LUZP2: variants seen among roughly 807,000 people sequenced by gnomAD.
The protein encoded by LUZP2 is leucine zipper protein 2.
Under a neutral mutation model 51.6 loss-of-function variants are expected in LUZP2, and 52 were observed. The ratio of observed to expected loss-of-function variants is 1.01; its 90% CI spans 0.81 to 1.27. The LOEUF (loss-of-function observed/expected upper bound fraction) is 1.27. LUZP2 is among the 50% of genes most tolerant of loss of function. The probability of loss-of-function intolerance (pLI) is 0.00; values close to 1 mark genes in which losing one functional copy is unlikely to be tolerated. For synonymous variants in LUZP2, 154 were observed against 137.3 expected (o/e 1.12, Z -0.85); for missense variants, 436 against 395.4 (o/e 1.10, Z -0.87).
chr11:24,598,404 GA>G (rs1480137578), intron 1 of LUZP2, among the ~76,000 whole-genome samples: 1 of 152,050 alleles, frequency 6.6e-6, no homozygotes, highest in South Asian at 2.1e-4. Flanking sequence ...CTAAATGTAG[GA>G]GAGTTTCCTA....
intron 1 of LUZP2, among the ~76,000 whole-genome samples, chr11:24,653,604 G>A (rs1020339612): frequency 6.6e-6 from 1 of 152,170 alleles, no homozygotes; most frequent in Non-Finnish European, 1.5e-5. Context: ...AGTTGAGATA[G>A]TCTAGAGCAT....
At chr11:24,540,055 A>G (rs1453455698) in intron 1 of LUZP2, among the ~76,000 whole-genome samples, 1 of 152,092 alleles carries the variant, frequency 6.6e-6, no homozygotes, top group African/African-American at 2.4e-5. Context: ...AAAATTTAAT[A>G]GAAACCTACC....
chr11:24,876,692 A>G lies in LUZP2; in HGVS notation c.397-29299A>G, dbSNP rs138113375. Among the ~76,000 whole-genome samples, 1,040 of 152,214 alleles carry G rather than the reference A, an allele frequency of 6.8e-3. 15 individuals are homozygous for G. Among genetic ancestry groups the G allele is most frequent in the East Asian group, 0.057 (295 of 5,174 alleles). ...GAGTCTATAAATTACCTTGGGCAGT[A>G]TGGCCATTTTCATGATATTGATTCT... On this transcript the variant is annotated intron_variant, in intron 5 of 11. Coordinates refer to ENST00000336930, the MANE Select transcript of LUZP2 (RefSeq NM_001009909.4).
chr11:24,958,066 A>G (rs1855263096), intron 7 of LUZP2, among the ~76,000 whole-genome samples: 1 of 152,072 alleles, frequency 6.6e-6, no homozygotes, highest in South Asian at 2.1e-4. Context: ...CCATGTCCCT[A>G]CAAAGGACAT....
At chr11:24,770,698 A>C (rs1477181562) in intron 5 of LUZP2, among the ~76,000 whole-genome samples, 2 of 152,226 alleles carry the variant, frequency 1.3e-5, no homozygotes, top group African/African-American at 2.4e-5. Flanking sequence ...TGATGAATAA[A>C]ACATGATTTT....
chr11:24,655,433 C>G (rs10128728), intron 1 of LUZP2, among the ~76,000 whole-genome samples: 84,301 of 151,546 alleles, frequency 0.56, 24,132 homozygotes, highest in African/African-American at 0.69. Context: ...TGGATCATTT[C>G]GGAAATAAAC....
At chr11:24,511,421 A>G (rs1042670301) in intron 1 of LUZP2, among the ~76,000 whole-genome samples, 10 of 151,528 alleles carry the variant, frequency 6.6e-5, no homozygotes, top group Non-Finnish European at 1.5e-4. Context: ...ATAAAAAAAA[A>G]TACAATGGCA....
At chr11:24,760,803 G>C (rs192008010) in intron 4 of LUZP2, among the ~76,000 whole-genome samples, 27 of 152,254 alleles carry the variant, frequency 1.8e-4, no homozygotes, top group African/African-American at 6.3e-4. Context: ...GGAATCCATG[G>C]ATTTTCATTC....
chr11:24,683,209 G>A (rs544302754), intron 1 of LUZP2, among the ~76,000 whole-genome samples: 1 of 152,290 alleles, frequency 6.6e-6, no homozygotes, highest in South Asian at 2.1e-4. Flanking sequence ...ACCTTATGCT[G>A]CTTCATTTCA....
intron 1 of LUZP2, among the ~76,000 whole-genome samples, chr11:24,529,937 A>G (rs944012272): frequency 1.2e-4 from 18 of 150,972 alleles, no homozygotes; most frequent in Non-Finnish European, 2.4e-4. Context: ...CAAAGTATTC[A>G]GAGCAGAGAA....
At chr11:24,753,596 T>C (rs1859670689) in intron 4 of LUZP2, among the ~76,000 whole-genome samples, 1 of 152,166 alleles carries the variant, frequency 6.6e-6, no homozygotes, top group East Asian at 1.9e-4. Context: ...ACAACGCTCA[T>C]TCCCATAATA....
intron 1 of LUZP2, among the ~76,000 whole-genome samples, chr11:24,542,889 AAAT>A (rs1157624604): frequency 1.3e-5 from 2 of 151,832 alleles, no homozygotes; most frequent in Non-Finnish European, 2.9e-5. Context: ...GTTTTCTTTG[AAAT>A]AATGAACAAA....
At chr11:24,949,676 A>G (rs2133861451) in intron 7 of LUZP2, among the ~76,000 whole-genome samples, 1 of 151,608 alleles carries the variant, frequency 6.6e-6, no homozygotes, top group East Asian at 1.9e-4. Context: ...GAAATTTTAT[A>G]CATGGATATT....
chr11:24,906,068 GCTT>G lies in LUZP2; in HGVS notation c.459+21_459+23del, dbSNP rs1853443778. On this transcript the variant is annotated intron_variant, in intron 6 of 11. Coordinates refer to ENST00000336930, the MANE Select transcript of LUZP2 (RefSeq NM_001009909.4). ...ACGCAGAAGAGGTGAGTAAATTTTT[GCTT>G]CTTCTAGCTTTAACCAGATAAAAAC... is the stretch of plus-strand genomic sequence containing the variant. 5.0e-6 allele frequency: 8 copies of G among 1,592,380 alleles called. No homozygotes were observed. Among genetic ancestry groups the G allele is most frequent in the Non-Finnish European group, 1.7e-6 (2 of 1,161,990 alleles).
chr11:25,028,399 T>TC (rs1315959223), intron 9 of LUZP2, among the ~76,000 whole-genome samples: 1 of 152,052 alleles, frequency 6.6e-6, no homozygotes, highest in Non-Finnish European at 1.5e-5. Flanking sequence ...ATTCTGAGTG[T>TC]CCATCAACAG....
intron 1 of LUZP2, among the ~76,000 whole-genome samples, chr11:24,514,568 G>A (rs1458512071): frequency 6.6e-6 from 1 of 152,146 alleles, no homozygotes; most frequent in East Asian, 1.9e-4. Context: ...ATTTCACTTT[G>A]TGGGGAATTG....
chr11:24,964,689 A>G (rs1388849730), intron 7 of LUZP2, among the ~76,000 whole-genome samples: 1 of 152,050 alleles, frequency 6.6e-6, no homozygotes, highest in Non-Finnish European at 1.5e-5. Context: ...CAAGTAGACA[A>G]AGGCAAAATG....
At chr11:24,693,000 T>C (rs1217211438) in intron 1 of LUZP2, among the ~76,000 whole-genome samples, 2 of 151,890 alleles carry the variant, frequency 1.3e-5, no homozygotes, top group Non-Finnish European at 2.9e-5. Flanking sequence ...TTTTACAAAA[T>C]GAGCCTAGAT....
intron 9 of LUZP2, among the ~76,000 whole-genome samples, chr11:24,991,741 G>T (rs1388504678): frequency 6.6e-6 from 1 of 151,792 alleles, no homozygotes; most frequent in Admixed American, 6.6e-5. Context: ...ATTATTTTTT[G>T]ATTTTATGAT....
Sources: gnomAD v4.1 joint callset for allele counts (sites outside exome capture counted in the v4.1 genomes callset) on GRCh38, gnomAD v4.1.1 for gene constraint, MANE v1.5 for transcripts, NCBI Gene and HGNC (gene_info 2026-07-23, HGNC 2026-07-21) for gene names.